CAST: variants seen among roughly 807,000 people sequenced by gnomAD.
The protein encoded by CAST is calpastatin, also known as MIR583 host.
Under a neutral mutation model 119.6 loss-of-function variants are expected in CAST, and 76 were observed. The ratio of observed to expected loss-of-function variants is 0.64; its 90% confidence interval spans 0.53 to 0.77. The LOEUF (loss-of-function observed/expected upper bound fraction) is 0.77. CAST is among the 30% of genes least tolerant of loss of function. CAST has a pLI of 0.00. For synonymous variants in CAST, 319 were observed against 331.6 expected, an observed-to-expected ratio of 0.96 and a Z score of 0.41; for missense variants, 953 against 946.5, an observed-to-expected ratio of 1.01 and a Z score of -0.09.
chr5:96,349,143 T>TA, the CAST span, among the ~76,000 whole-genome samples: 1 of 144,692 alleles, frequency 6.9e-6, no homozygotes, highest in East Asian at 2.0e-4. Context: ...GACACTATTT[T>TA]TTTTTTTTTT....
intron 9 of CAST, among the ~76,000 whole-genome samples, chr5:96,735,668 T>C (rs1761484418): frequency 6.6e-6 from 1 of 152,150 alleles, no homozygotes; most frequent in South Asian, 2.1e-4. Context: ...AAACTGCAGA[T>C]TGAAAAGTTG....
chr5:96,367,156 A>G, the CAST span, among the ~76,000 whole-genome samples: 2 of 152,242 alleles, frequency 1.3e-5, no homozygotes, highest in Admixed American at 6.5e-5. Flanking sequence ...TTTAACAGCA[A>G]ACACTGCTGC....
intron 20 of CAST, 58 bp downstream of exon 20, chr5:96,750,740 G>A (rs757364951): frequency 4.4e-6 from 4 of 905,310 alleles, no homozygotes. Context: ...GCCTCCTCCT[G>A]TCACTCTCTG....
At chr5:96,761,357 T>C (rs1055610612) in intron 24 of CAST, 2 of 152,232 alleles carry the variant, frequency 1.3e-5, no homozygotes, top group South Asian at 2.1e-4. Flanking sequence ...ATTTAGTACA[T>C]TTTGGATTAC....
At chr5:96,559,725 A>G (rs1746317260) in intron 1 of CAST, among the ~76,000 whole-genome samples, 1 of 152,242 alleles carries the variant, frequency 6.6e-6, no homozygotes, top group Non-Finnish European at 1.5e-5. Flanking sequence ...AAATGGAAGA[A>G]CATTCCATGC....
chr5:96,430,950 A>G, the CAST span, among the ~76,000 whole-genome samples: 2 of 152,214 alleles, frequency 1.3e-5, no homozygotes, highest in African/African-American at 2.4e-5. Flanking sequence ...TTCACATTGA[A>G]TGGTCTAGGT....
At chr5:96,696,135 C>T (rs1045196411) in intron 3 of CAST, 13 of 268,784 alleles carry the variant, frequency 4.8e-5, no homozygotes, top group African/African-American at 2.9e-4. Context: ...ATATAATAAG[C>T]GTTAAATAAA....
chr5:96,563,435 C>T (rs949869331), intron 1 of CAST, among the ~76,000 whole-genome samples: 11 of 151,972 alleles, frequency 7.2e-5, no homozygotes, highest in African/African-American at 2.2e-4. Flanking sequence ...ATAAAGTTTG[C>T]GTAGTATTCC....
chr5:96,074,237 T>C, the CAST span, among the ~76,000 whole-genome samples: 1 of 152,232 alleles, frequency 6.6e-6, no homozygotes, highest in Non-Finnish European at 1.5e-5. Flanking sequence ...ATTTCTTTTG[T>C]AGGTTAACTG....
the CAST span, among the ~76,000 whole-genome samples, chr5:96,429,641 G>T: frequency 6.6e-6 from 1 of 151,938 alleles, no homozygotes; most frequent in Non-Finnish European, 1.5e-5. Flanking sequence ...AGTATATGTT[G>T]TTCCCCTCTA....
chr5:96,130,497 A>G, the CAST span, among the ~76,000 whole-genome samples: 2 of 151,932 alleles, frequency 1.3e-5, no homozygotes, highest in Non-Finnish European at 2.9e-5. Flanking sequence ...ATGGACTTTA[A>G]TTAACAATAA....
the CAST span, among the ~76,000 whole-genome samples, chr5:96,257,669 A>ACAG: frequency 6.6e-6 from 1 of 152,232 alleles, no homozygotes; most frequent in Non-Finnish European, 1.5e-5. Flanking sequence ...AACATTCTGC[A>ACAG]CAGCAGCAAT....
At chr5:96,631,034 T>A in intron 1 of CAST, 1 of 140,966 alleles carries the variant, frequency 7.1e-6, no homozygotes, top group East Asian at 2.1e-4. Context: ...TCAGCTAGAA[T>A]ATATTTCTTC....
chr5:96,257,675 G>A, the CAST span, among the ~76,000 whole-genome samples: 18 of 152,300 alleles, frequency 1.2e-4, no homozygotes, highest in African/African-American at 4.1e-4. Flanking sequence ...CTGCACAGCA[G>A]CAATTTCATG....
the CAST span, among the ~76,000 whole-genome samples, chr5:96,496,151 T>A: frequency 1.3e-5 from 2 of 152,190 alleles, no homozygotes; most frequent in Non-Finnish European, 2.9e-5. Flanking sequence ...GATTACAAAA[T>A]CCATAATAAA....
the CAST span, among the ~76,000 whole-genome samples, chr5:96,264,451 G>A: frequency 1.3e-5 from 2 of 151,728 alleles, no homozygotes; most frequent in Admixed American, 6.6e-5. Context: ...ACATAAATGG[G>A]AAAAATGAAA....
the CAST span, among the ~76,000 whole-genome samples, chr5:96,496,544 T>A: frequency 1.3e-5 from 2 of 152,332 alleles, no homozygotes; most frequent in African/African-American, 4.8e-5. Flanking sequence ...AAATGCAAAG[T>A]GGAATCACTA....
the CAST span, among the ~76,000 whole-genome samples, chr5:95,999,470 C>G: frequency 6.6e-6 from 1 of 152,158 alleles, no homozygotes; most frequent in Non-Finnish European, 1.5e-5. Flanking sequence ...CCATCTTAGT[C>G]TCTTGAGTAG....
the CAST span, among the ~76,000 whole-genome samples, chr5:95,990,329 T>C: frequency 2.6e-5 from 4 of 152,016 alleles, no homozygotes; most frequent in African/African-American, 9.7e-5. Flanking sequence ...CAATAGGAGA[T>C]ATAGGGAGTT....
Sources: gnomAD v4.1 joint callset for allele counts (sites outside exome capture counted in the v4.1 genomes callset) on GRCh38, gnomAD v4.1.1 for gene constraint, MANE v1.5 for transcripts, NCBI Gene and HGNC (gene_info 2026-07-23, HGNC 2026-07-21) for gene names.